Variants in PRKX observed in about 807,000 individuals in gnomAD.
PRKX encodes the protein cAMP-dependent protein kinase catalytic subunit PRKX.
In PRKX, 12 loss-of-function variants were observed where a neutral mutation model predicts 22.0. The ratio of observed to expected loss-of-function variants is 0.54; its 90% CI spans 0.35 to 0.88. The LOEUF is 0.88. Ranked by LOEUF, PRKX falls within the 40% of genes least tolerant of loss-of-function variation. PRKX has a pLI of 0.01. For synonymous variants in PRKX, 134 were observed against 137.7 expected, an observed-to-expected ratio of 0.97 and a Z score of 0.19; for missense variants, 217 against 308.0, an observed-to-expected ratio of 0.70 and a Z score of 2.21.
chrX:3,689,759 C>G (rs756591876), intron 1 of PRKX, among the ~76,000 whole-genome samples: 1 of 111,870 alleles, frequency 8.9e-6, no homozygotes, highest in African/African-American at 3.2e-5. Flanking sequence ...GGGCGGATCA[C>G]AAGGTCAGGA....
chrX:3,659,551 TTC>T (rs1443459204), intron 2 of PRKX: 8 of 109,834 alleles, frequency 7.3e-5, no homozygotes, highest in African/African-American at 2.0e-4. Context: ...TAGACATTTC[TTC>T]TGTTTTTTTT....
chrX:3,650,074 G>A (rs1009354404), intron 3 of PRKX, among the ~76,000 whole-genome samples: 2 of 111,008 alleles, frequency 1.8e-5, no homozygotes, highest in Middle Eastern at 4.6e-3. Flanking sequence ...CTGCAAGTTC[G>A]AGGCTGTGGT....
In PRKX at chrX:3,650,475, C is replaced by T. The variant is rs532266237; in HGVS notation, c.599+4674G>A. Among the ~76,000 whole-genome samples the T allele has an allele frequency of 2.8e-4, 24 of 86,995 alleles. 1 individual carries two copies. In the South Asian group the frequency reaches 0.013, roughly 47 times the overall value. 75.5% of individuals were successfully genotyped at this position (86,995 alleles called of 115,157 possible). ...GGCAGAGCTTGCAGTGAGCCGAGATCGCACCACTGCACTCCAGCCTGGGCG... is the reference window on the plus strand; with the variant it reads ...GGCAGAGCTTGCAGTGAGCCGAGATTGCACCACTGCACTCCAGCCTGGGCG... On this transcript the variant is annotated intron_variant, in intron 3 of 8. Transcript: ENST00000262848.
intron 2 of PRKX, among the ~76,000 whole-genome samples, chrX:3,660,090 C>T (rs969847964): frequency 8.9e-6 from 1 of 112,148 alleles, no homozygotes; most frequent in African/African-American, 3.2e-5. Flanking sequence ...AAGCACATGG[C>T]ATCTCAAATG....
chrX:3,703,925 G>A (rs1928632170), intron 1 of PRKX, among the ~76,000 whole-genome samples: 2 of 109,803 alleles, frequency 1.8e-5, no homozygotes, highest in Non-Finnish European at 3.8e-5. Context: ...TGCCCACCTC[G>A]GCCCCCAAAT....
intron 2 of PRKX, among the ~76,000 whole-genome samples, chrX:3,670,746 T>C (rs12012142): frequency 1.9e-3 from 215 of 111,005 alleles, no homozygotes; most frequent in African/African-American, 6.7e-3. Context: ...GGTCTTGCCA[T>C]GTTGCCCAGG....
intron 1 of PRKX, among the ~76,000 whole-genome samples, chrX:3,683,637 G>GACA (rs1928116909): frequency 9.0e-6 from 1 of 110,694 alleles, no homozygotes; most frequent in African/African-American, 3.3e-5. Context: ...GGGAGTTCAA[G>GACA]ACCTGCCTGG....
chrX:3,683,733 G>A (rs1928119282), intron 1 of PRKX, among the ~76,000 whole-genome samples: 1 of 111,553 alleles, frequency 9.0e-6, no homozygotes, highest in Non-Finnish European at 1.9e-5. Context: ...CAACTACTTG[G>A]GAGGCTGAGG....
intron 4 of PRKX, among the ~76,000 whole-genome samples, chrX:3,638,396 G>A (rs1407304794): frequency 9.0e-6 from 1 of 110,984 alleles, no homozygotes; most frequent in Non-Finnish European, 1.9e-5. Flanking sequence ...TAAAATTTGG[G>A]GCACACGAAC....
intron 1 of PRKX, among the ~76,000 whole-genome samples, chrX:3,689,784 T>G (rs867421264): frequency 8.9e-6 from 1 of 111,787 alleles, no homozygotes; most frequent in Non-Finnish European, 1.9e-5. Context: ...GAGACCATCC[T>G]GGCTAACACG....
chrX:3,684,465 G>GA (rs958013286), intron 1 of PRKX, among the ~76,000 whole-genome samples: 5 of 107,364 alleles, frequency 4.7e-5, no homozygotes, highest in East Asian at 2.9e-4. Context: ...ACTCTCTGTT[G>GA]AAAAAAAAAA....
intron 1 of PRKX, among the ~76,000 whole-genome samples, chrX:3,692,731 G>A (rs1328620841): frequency 3.6e-5 from 4 of 110,594 alleles, no homozygotes; most frequent in Admixed American, 9.7e-5. Flanking sequence ...GTTTCACCAC[G>A]TTAGCCAGGA....
intron 4 of PRKX, among the ~76,000 whole-genome samples, chrX:3,628,640 G>C (rs756974511): frequency 9.0e-6 from 1 of 111,701 alleles, no homozygotes; most frequent in East Asian, 2.8e-4. Flanking sequence ...GGAGGCTGAG[G>C]GGGGAGGATC....
chrX:3,692,550 C>T (rs1196900370), intron 1 of PRKX, among the ~76,000 whole-genome samples: 3 of 90,087 alleles, frequency 3.3e-5, no homozygotes, highest in Admixed American at 1.4e-4. Flanking sequence ...TTTTTTGAGA[C>T]GGAGTCTCGC....
In PRKX at chrX:3,685,568, C is replaced by T. The variant is rs143059070; in HGVS notation, c.167-10802G>A. 4.7e-3 allele frequency among the ~76,000 whole-genome samples: 521 copies of T among 111,015 alleles called. 3 individuals carry two copies. Among genetic ancestry groups the T allele is most frequent in the African/African-American group, 0.016 (483 of 30,481 alleles). ...CGTAGTAAATGAATGCATCTGTAAG[C>T]GTGAAAACATTCAAACATCGGCTTC... On this transcript the variant is annotated intron_variant, in intron 1 of 8. Coordinates refer to ENST00000262848, the MANE Select transcript of PRKX (RefSeq NM_005044.5).
chrX:3,655,156 C>G lies in PRKX; in HGVS notation c.592G>C (p.Val198Leu). 8.3e-7 allele frequency: 1 copy of G among 1,211,887 alleles called. No individual in the cohort carries two copies. Among genetic ancestry groups the G allele is most frequent in the Non-Finnish European group, 1.1e-6 (1 of 895,545 alleles). ...AGTTCACGTTCCTCTTACCTGTCTA[C>G]CAGCTTCTTGGCGAACCCAAAGTCC... ...LTDFGFAKKLVDRTWTLCGTP... is the reference protein window; with the variant it reads ...LTDFGFAKKLLDRTWTLCGTP... Residue 198 changes from valine (V) to leucine (L), a missense_variant, in exon 3 of 9, where the codon GTA becomes CTA. By Grantham distance (32) the Val-to-Leu change is conservative. Transcript: ENST00000262848.
chrX:3,674,098 G>A (rs1927900197), intron 2 of PRKX, among the ~76,000 whole-genome samples: 1 of 111,148 alleles, frequency 9.0e-6, no homozygotes, highest in African/African-American at 3.3e-5. Context: ...CCTACCCTAG[G>A]ACATAAGACT....
chrX:3,616,118 T>C (rs1377961235), intron 6 of PRKX, among the ~76,000 whole-genome samples: 1 of 111,699 alleles, frequency 9.0e-6, no homozygotes, highest in African/African-American at 3.3e-5. Context: ...CCAGTCATTC[T>C]GCTCCTGTGC....
At chrX:3,676,019 A>G (rs1275377174) in intron 1 of PRKX, among the ~76,000 whole-genome samples, 1 of 111,722 alleles carries the variant, frequency 9.0e-6, no homozygotes, top group African/African-American at 3.3e-5. Flanking sequence ...TGCTGGGACT[A>G]CAGGCATGAG....
Sources: allele counts gnomAD v4.1 joint callset (sites outside exome capture counted in the v4.1 genomes callset), GRCh38; gene constraint gnomAD v4.1.1; transcripts MANE v1.5; gene names NCBI Gene and HGNC (gene_info 2026-07-23, HGNC 2026-07-21).